Variants in PTPRG observed in about 807,000 individuals in gnomAD.
PTPRG encodes protein tyrosine phosphatase receptor type G.
A neutral mutation model predicts 165.3 loss-of-function variants in PTPRG; 102 were observed. The ratio of observed to expected loss-of-function variants is 0.62; its 90% confidence interval spans 0.53 to 0.73. The LOEUF is 0.73. Among genes scored for constraint, PTPRG ranks in the 30% least tolerant of loss-of-function variants. PTPRG has a pLI of 0.00. For synonymous variants in PTPRG, 675 were observed against 669.5 expected (o/e 1.01, Z -0.13); for missense variants, 1,866 against 1,861.4 (o/e 1.00, Z -0.05).
At chr3:61,669,148 C>A (rs1332875195) in intron 1 of PTPRG, among the ~76,000 whole-genome samples, 1 of 152,068 alleles carries the variant, frequency 6.6e-6, no homozygotes, top group Non-Finnish European at 1.5e-5. Context: ...TTATTTTAAA[C>A]TTTGATTTTT....
intron 4 of PTPRG, among the ~76,000 whole-genome samples, chr3:62,034,620 C>A (rs12497508): frequency 6.6e-5 from 10 of 152,152 alleles, no homozygotes; most frequent in African/African-American, 2.4e-4. Context: ...TTCTTACCAG[C>A]TGGTATACAT....
chr3:61,888,223 C>T (rs983752563), intron 2 of PTPRG, among the ~76,000 whole-genome samples: 1 of 149,572 alleles, frequency 6.7e-6, no homozygotes, highest in African/African-American at 2.5e-5. Flanking sequence ...GTGTGTGTGT[C>T]TGTCTGTCCG....
chr3:61,939,744 A>G (rs948813567), intron 2 of PTPRG, among the ~76,000 whole-genome samples: 4 of 151,966 alleles, frequency 2.6e-5, no homozygotes, highest in African/African-American at 9.7e-5. Flanking sequence ...TAAATAGGGA[A>G]CTCTGTTTTG....
Position 62,272,866 on chromosome 3 carries a change from T to G in PTPRG, c.3183-80T>G. 4 of 1,371,756 alleles carry G rather than the reference T, an allele frequency of 2.9e-6. No individual in the cohort carries two copies. The South Asian group carries it at 5.3e-5, about 18-fold the overall frequency. The allele number at this position is 1,371,756 out of a possible 1,614,324, so 85.0% of individuals were successfully genotyped here. ...CAGAAAAATAATAAAATAAATGGGG[T>G]TTAGATTGGAATTTTTCGAATCCAA... is the stretch of plus-strand genomic sequence containing the variant. On this transcript the variant is annotated intron_variant, in intron 21 of 29. Coordinates refer to ENST00000474889, the MANE Select transcript of PTPRG (RefSeq NM_002841.4).
chr3:61,778,807 A>G (rs1375144850), intron 2 of PTPRG, among the ~76,000 whole-genome samples: 1 of 152,154 alleles, frequency 6.6e-6, no homozygotes, highest in Non-Finnish European at 1.5e-5. Flanking sequence ...TGAGTCAGGG[A>G]AAGAATTCCA....
At chr3:61,807,217 G>T (rs1312737999) in intron 2 of PTPRG, among the ~76,000 whole-genome samples, 1 of 152,116 alleles carries the variant, frequency 6.6e-6, no homozygotes, top group East Asian at 1.9e-4. Context: ...GGGAAAAATG[G>T]GAAATTTAAT....
rs1327498413 is a variant in PTPRG, at chr3:61,878,813, A to G, written c.191-110812A>G. Among the ~76,000 whole-genome samples the G allele has an allele frequency of 2.6e-5, 4 of 152,156 alleles. No homozygotes were observed. In the East Asian group the frequency reaches 7.7e-4, roughly 29 times the overall value. ...GCCACTGTGCCTGGCCCCCAGGTGT[A>G]TAAAACACAATAGAACCGTCCTATA... On this transcript the variant is annotated intron_variant, in intron 2 of 29. Transcript: ENST00000474889.
intron 2 of PTPRG, among the ~76,000 whole-genome samples, chr3:61,787,068 G>A (rs1260074634): frequency 6.6e-6 from 1 of 151,856 alleles, no homozygotes; most frequent in African/African-American, 2.4e-5. Context: ...TAAAAGAATC[G>A]CTTATATTTT....
chr3:62,158,707 G>T (rs1343875507), intron 7 of PTPRG, among the ~76,000 whole-genome samples: 2 of 152,188 alleles, frequency 1.3e-5, no homozygotes, highest in Admixed American at 6.5e-5. Context: ...CCCTAACCAA[G>T]TTAGGTCATG....
intron 1 of PTPRG, among the ~76,000 whole-genome samples, chr3:61,621,051 A>ATATATATATATGTGTGTGTGTG: frequency 9.6e-4 from 113 of 117,968 alleles, no homozygotes; most frequent in Admixed American, 3.4e-3. Context: ...ATATATATAT[A>ATATATATATATGTGTGTGTGTG]TGTGTGTGTG....
chr3:61,584,330 T>C (rs1392111321), intron 1 of PTPRG, among the ~76,000 whole-genome samples: 1 of 152,178 alleles, frequency 6.6e-6, no homozygotes, highest in Non-Finnish European at 1.5e-5. Context: ...TGGGCATGTA[T>C]TTTGTCCACA....
chr3:61,563,640 T>C lies in PTPRG; in HGVS notation c.85+1268T>C, dbSNP rs186911230. 2.6e-3 allele frequency among the ~76,000 whole-genome samples: 388 copies of C among 152,156 alleles called. 2 individuals carry two copies. The highest frequency in any genetic ancestry group is 9.1e-3 in the African/African-American group (376 of 41,512). Reference sequence around the variant, plus strand: ...CCATCAACTCCTGCATACCCGGAGGTGGAGGTTATCTGAATCAAGAAAAAG... The same window carrying C: ...CCATCAACTCCTGCATACCCGGAGGCGGAGGTTATCTGAATCAAGAAAAAG... On this transcript the variant is annotated intron_variant, in intron 1 of 29. Coordinates refer to ENST00000474889, the MANE Select transcript of PTPRG (RefSeq NM_002841.4).
intron 1 of PTPRG, among the ~76,000 whole-genome samples, chr3:61,684,650 T>C (rs917165832): frequency 1.3e-5 from 2 of 152,148 alleles, no homozygotes; most frequent in African/African-American, 4.8e-5. Context: ...GGGCCTCTGA[T>C]CCTGGGGCAT....
chr3:61,761,138 A>G (rs950936527), intron 2 of PTPRG, among the ~76,000 whole-genome samples: 1 of 152,186 alleles, frequency 6.6e-6, no homozygotes, highest in Admixed American at 6.5e-5. Context: ...GCTGGGTCTA[A>G]TGGTATTTCT....
At chr3:61,955,478 C>G (rs2040008301) in intron 2 of PTPRG, among the ~76,000 whole-genome samples, 1 of 152,150 alleles carries the variant, frequency 6.6e-6, no homozygotes, top group Non-Finnish European at 1.5e-5. Context: ...GTGTGAGCAT[C>G]TACAGAAATG....
intron 7 of PTPRG, among the ~76,000 whole-genome samples, chr3:62,165,832 G>T (rs1704951582): frequency 6.6e-6 from 1 of 152,142 alleles, no homozygotes; most frequent in South Asian, 2.1e-4. Flanking sequence ...CATGCAAAGA[G>T]AGGGCAGACT....
At chr3:61,808,422 T>A (rs1225701460) in intron 2 of PTPRG, among the ~76,000 whole-genome samples, 2 of 151,812 alleles carry the variant, frequency 1.3e-5, no homozygotes, top group African/African-American at 4.8e-5. Flanking sequence ...ATCTATACAT[T>A]TTTTTTTCAT....
At chr3:61,810,781 A>G (rs1422228963) in intron 2 of PTPRG, among the ~76,000 whole-genome samples, 1 of 152,220 alleles carries the variant, frequency 6.6e-6, no homozygotes, top group Non-Finnish European at 1.5e-5. Flanking sequence ...TTTTATAAGT[A>G]ATTCGGGACA....
intron 5 of PTPRG, among the ~76,000 whole-genome samples, chr3:62,107,835 TTA>T (rs3073629): frequency 0.71 from 107,804 of 151,912 alleles, 38,683 homozygotes; most frequent in Middle Eastern, 0.79. Context: ...CCCATTCTTC[TTA>T]GTTACTGAGA....
Sources: allele counts gnomAD v4.1 joint callset (sites outside exome capture counted in the v4.1 genomes callset), GRCh38; gene constraint gnomAD v4.1.1; transcripts MANE v1.5; gene names NCBI Gene and HGNC (gene_info 2026-07-23, HGNC 2026-07-21).